LRRC4C: variants seen among roughly 807,000 people sequenced by gnomAD.
LRRC4C encodes leucine rich repeat containing 4C.
In LRRC4C, 5 loss-of-function variants were observed where a neutral mutation model predicts 33.6. That is an observed-to-expected ratio of 0.15 (90% CI 0.08 to 0.31). LRRC4C has a LOEUF of 0.31. Ranked by LOEUF, LRRC4C falls within the 10% of genes least tolerant of loss-of-function variation. LRRC4C has a pLI of 1.00. For synonymous variants in LRRC4C, 329 were observed against 302.0 expected (o/e 1.09, Z -0.93); for missense variants, 560 against 796.7 (o/e 0.70, Z 3.58).
At chr11:41,416,968 A>C (rs1954706410) in intron 1 of LRRC4C, among the ~76,000 whole-genome samples, 1 of 152,028 alleles carries the variant, frequency 6.6e-6, no homozygotes, top group South Asian at 2.1e-4. Flanking sequence ...CCCAATGAAA[A>C]TAAAGGATTC....
At chr11:41,386,626 T>C (rs1415792235) in intron 1 of LRRC4C, among the ~76,000 whole-genome samples, 1 of 151,820 alleles carries the variant, frequency 6.6e-6, no homozygotes, top group Non-Finnish European at 1.5e-5. Context: ...ACATTCATTG[T>C]GCCTACCATG....
intron 3 of LRRC4C, among the ~76,000 whole-genome samples, chr11:40,451,244 G>A (rs1324956366): frequency 6.9e-6 from 1 of 145,740 alleles, no homozygotes; most frequent in African/African-American, 2.5e-5. Context: ...CAGCTGCCTA[G>A]AAAACAGAAA....
intron 3 of LRRC4C, among the ~76,000 whole-genome samples, chr11:40,630,383 CTTCTTCTT>C (rs1963378808): frequency 8.3e-6 from 1 of 120,784 alleles, no homozygotes; most frequent in Non-Finnish European, 1.8e-5. Flanking sequence ...TCTTCTTCTT[CTTCTTCTT>C]TTCTTCCTCT....
At chr11:41,069,166 A>G (rs1938492072) in intron 1 of LRRC4C, among the ~76,000 whole-genome samples, 3 of 152,168 alleles carry the variant, frequency 2.0e-5, no homozygotes, top group Admixed American at 2.0e-4. Flanking sequence ...CAATGACAAA[A>G]AACACTTGAT....
intron 3 of LRRC4C, among the ~76,000 whole-genome samples, chr11:40,367,659 A>C (rs2137229905): frequency 6.6e-6 from 1 of 152,150 alleles, no homozygotes; most frequent in South Asian, 2.1e-4. Context: ...TTTTTGGAGA[A>C]CTTAGTTATC....
chr11:40,624,484 A>G (rs1962748005), intron 3 of LRRC4C, among the ~76,000 whole-genome samples: 1 of 152,146 alleles, frequency 6.6e-6, no homozygotes, highest in Non-Finnish European at 1.5e-5. Context: ...AACATTAGCA[A>G]TCATTGATAG....
intron 1 of LRRC4C, among the ~76,000 whole-genome samples, chr11:41,404,552 ACACACACACACC>A (rs1297279713): frequency 8.8e-6 from 1 of 113,780 alleles, no homozygotes; most frequent in African/African-American, 3.6e-5. Flanking sequence ...ACACACACAC[ACACACACACACC>A]CCCCGAGGTT....
In LRRC4C at chr11:41,314,933, T is replaced by C. The variant is rs572307378; in HGVS notation, c.-496+144498A>G. ...AAACTATCTAGTGCATATGTCCTGA[T>C]TGTCACCATATCAACAATTTGCCAT... On this transcript the variant is annotated intron_variant, in intron 1 of 6. Transcript: ENST00000528697. Among the ~76,000 whole-genome samples the C allele has an allele frequency of 3.9e-5, 6 of 152,326 alleles. No individual in the cohort carries two copies. The East Asian group carries it at 1.2e-3, about 29-fold the overall frequency.
chr11:40,686,037 C>T (rs957444693), intron 2 of LRRC4C, among the ~76,000 whole-genome samples: 1 of 151,732 alleles, frequency 6.6e-6, no homozygotes, highest in Non-Finnish European at 1.5e-5. Context: ...ACTTCTATGG[C>T]CCCACAGCAC....
intron 1 of LRRC4C, among the ~76,000 whole-genome samples, chr11:40,965,465 T>C (rs1392563283): frequency 1.3e-5 from 2 of 152,132 alleles, no homozygotes; most frequent in African/African-American, 2.4e-5. Flanking sequence ...CTGAATGGTA[T>C]TGCTTAGGTT....
chr11:40,142,675 G>T (rs1351466556), intron 5 of LRRC4C, among the ~76,000 whole-genome samples: 1 of 151,780 alleles, frequency 6.6e-6, no homozygotes, highest in Non-Finnish European at 1.5e-5. Flanking sequence ...GTTGTGTCTT[G>T]TCTCACAGGC....
chr11:40,142,506 T>C (rs1227551018), intron 5 of LRRC4C, among the ~76,000 whole-genome samples: 1 of 152,138 alleles, frequency 6.6e-6, no homozygotes, highest in Non-Finnish European at 1.5e-5. Context: ...CTAAATCAAA[T>C]AGCCGGTTCT....
At chr11:41,069,253 A>G (rs865773869) in intron 1 of LRRC4C, among the ~76,000 whole-genome samples, 1 of 152,240 alleles carries the variant, frequency 6.6e-6, no homozygotes, top group Non-Finnish European at 1.5e-5. Context: ...TAAACTAGGT[A>G]TTGATGGAAC....
chr11:40,538,438 C>T (rs1230185330), intron 3 of LRRC4C, among the ~76,000 whole-genome samples: 1 of 152,142 alleles, frequency 6.6e-6, no homozygotes, highest in African/African-American at 2.4e-5. Context: ...CAGCTTCATC[C>T]ATGTTCCTAC....
At chr11:41,012,159 C>T (rs1855248929) in intron 1 of LRRC4C, among the ~76,000 whole-genome samples, 1 of 152,034 alleles carries the variant, frequency 6.6e-6, no homozygotes, top group Non-Finnish European at 1.5e-5. Flanking sequence ...CTCTACTGGT[C>T]TGTCAAATAG....
At chr11:40,794,221 A>T (rs1950735650) in intron 2 of LRRC4C, among the ~76,000 whole-genome samples, 1 of 152,122 alleles carries the variant, frequency 6.6e-6, no homozygotes, top group Non-Finnish European at 1.5e-5. Flanking sequence ...CTATTAGTTG[A>T]ATGCAGAAAA....
intron 3 of LRRC4C, among the ~76,000 whole-genome samples, chr11:40,582,006 A>AT (rs1958490077): frequency 6.6e-6 from 1 of 152,174 alleles, no homozygotes; most frequent in Non-Finnish European, 1.5e-5. Context: ...AAGAAAACAC[A>AT]TTTTTCCAAG....
intron 1 of LRRC4C, among the ~76,000 whole-genome samples, chr11:41,039,256 T>C (rs1318856780): frequency 6.6e-6 from 1 of 152,166 alleles, no homozygotes; most frequent in African/African-American, 2.4e-5. Context: ...CTCAGAACAC[T>C]GTCTTCTTGT....
chr11:41,127,610 C>A (rs188703255), intron 1 of LRRC4C, among the ~76,000 whole-genome samples: 327 of 152,136 alleles, frequency 2.1e-3, no homozygotes, highest in Non-Finnish European at 3.3e-3. Context: ...AAATAATATA[C>A]CTCCACATAT....
Sources: allele counts gnomAD v4.1 joint callset (sites outside exome capture counted in the v4.1 genomes callset), GRCh38; gene constraint gnomAD v4.1.1; transcripts MANE v1.5; gene names NCBI Gene and HGNC (gene_info 2026-07-23, HGNC 2026-07-21).